Variants in ERC2 observed in about 807,000 individuals in gnomAD.
ERC2 encodes the protein ELKS/RAB6-interacting/CAST family member 2, also known as ERC protein 2.
ERC2 carries 42 observed loss-of-function variants against 114.8 expected under a neutral mutation model. That is an observed-to-expected ratio of 0.37 (90% CI 0.29 to 0.47). The LOEUF is 0.47. ERC2 is among the 20% of genes least tolerant of loss of function. The pLI, the probability that ERC2 is intolerant of heterozygous loss-of-function variation, is 0.99. For missense variants in ERC2, 939 were observed against 1,150.7 expected (o/e 0.82, Z 2.66); for synonymous variants, 454 against 425.5 (o/e 1.07, Z -0.82).
intron 3 of ERC2, among the ~76,000 whole-genome samples, chr3:56,237,891 C>CTTTTTTTT (rs3054904): frequency 7.1e-6 from 1 of 140,912 alleles, no homozygotes; most frequent in African/African-American, 2.6e-5. Context: ...CTATTTTTTC[C>CTTTTTTTT]TTTTTTTTTT....
At chr3:56,434,279 T>C (rs998483684) in intron 2 of ERC2, 72 bp downstream of exon 2, 1 of 1,431,846 alleles carries the variant, frequency 7.0e-7, no homozygotes. Context: ...CAGGTCGTGG[T>C]ACCATCTGCA....
At chr3:56,366,615 C>T (rs932883061) in intron 2 of ERC2, among the ~76,000 whole-genome samples, 3 of 152,148 alleles carry the variant, frequency 2.0e-5, no homozygotes, top group African/African-American at 7.2e-5. Flanking sequence ...TTGTTATTGG[C>T]TCCCATTTGT....
intron 17 of ERC2, among the ~76,000 whole-genome samples, chr3:55,604,336 A>G (rs1460275064): frequency 6.6e-6 from 1 of 152,166 alleles, no homozygotes; most frequent in African/African-American, 2.4e-5. Context: ...TTATGCTATT[A>G]ATATATTACA....
intron 10 of ERC2, among the ~76,000 whole-genome samples, chr3:56,004,155 T>G (rs2072288707): frequency 6.6e-6 from 1 of 152,044 alleles, no homozygotes. Context: ...TATTTTGAAT[T>G]GCCATTGCTT....
intron 15 of ERC2, among the ~76,000 whole-genome samples, chr3:55,726,410 C>T (rs1242928688): frequency 6.6e-6 from 1 of 152,228 alleles, no homozygotes; most frequent in African/African-American, 2.4e-5. Context: ...ATGGGAAGCA[C>T]AACCGTGGCT....
At chr3:55,669,506 T>C (rs2061476509) in intron 17 of ERC2, among the ~76,000 whole-genome samples, 1 of 152,212 alleles carries the variant, frequency 6.6e-6, no homozygotes, top group Non-Finnish European at 1.5e-5. Context: ...AAAGACAACT[T>C]TCACATTTTC....
At chr3:55,979,776 CAA>C (rs763879098) in intron 12 of ERC2, among the ~76,000 whole-genome samples, 21 of 123,922 alleles carry the variant, frequency 1.7e-4, no homozygotes, top group Non-Finnish European at 1.7e-4. Flanking sequence ...CCCACCTCTG[CAA>C]AAAAAAAAAA....
intron 14 of ERC2, among the ~76,000 whole-genome samples, chr3:55,866,697 T>C (rs562712844): frequency 1.3e-5 from 2 of 152,316 alleles, no homozygotes; most frequent in African/African-American, 4.8e-5. Flanking sequence ...ATCCATTAAG[T>C]TTTTTGTGTA....
rs368169315 is a variant in ERC2, at chr3:56,081,021, C to T, written c.1474-37G>A. The T allele has an allele frequency of 2.7e-4, 429 of 1,602,658 alleles. 3 individuals are homozygous for T. The highest frequency in any genetic ancestry group is 4.0e-5 in the Non-Finnish European group (47 of 1,174,262). On this transcript the variant is annotated intron_variant, in intron 6 of 17. Transcript: ENST00000288221. ...AAAAAGACAGAAGGTTGTGGTTTTA[C>T]AGAAAGGTCATCAATAACCATCAAT...
At chr3:56,221,714 C>T (rs1398289546) in intron 3 of ERC2, among the ~76,000 whole-genome samples, 1 of 152,108 alleles carries the variant, frequency 6.6e-6, no homozygotes, top group Admixed American at 6.6e-5. Flanking sequence ...ACCATCCTGG[C>T]TAACTCAGTG....
chr3:55,679,827 C>G (rs1576099373), intron 17 of ERC2, among the ~76,000 whole-genome samples: 1 of 144,578 alleles, frequency 6.9e-6, no homozygotes, highest in African/African-American at 2.6e-5. Context: ...AGAGCTCTTT[C>G]CTTGATTTTC....
chr3:55,975,417 G>T (rs1011227630), intron 12 of ERC2, among the ~76,000 whole-genome samples: 4 of 151,890 alleles, frequency 2.6e-5, no homozygotes, highest in Admixed American at 2.0e-4. Flanking sequence ...TAGTAGCTAG[G>T]TTTTTTTGTC....
At chr3:55,592,661 T>A (rs575962431) in intron 17 of ERC2, among the ~76,000 whole-genome samples, 2 of 152,172 alleles carry the variant, frequency 1.3e-5, no homozygotes, top group Non-Finnish European at 2.9e-5. Flanking sequence ...GAATGAGAAA[T>A]GACTAAATCA....
At chr3:56,111,003 G>T (rs2078928766) in intron 6 of ERC2, among the ~76,000 whole-genome samples, 1 of 151,974 alleles carries the variant, frequency 6.6e-6, no homozygotes, top group African/African-American at 2.4e-5. Context: ...GTTTTCAAGG[G>T]GGTGGGGGTA....
At chr3:55,565,190 T>C (rs1056011192) in intron 17 of ERC2, among the ~76,000 whole-genome samples, 5 of 152,244 alleles carry the variant, frequency 3.3e-5, no homozygotes, top group Admixed American at 2.0e-4. Flanking sequence ...ACAATTATTT[T>C]AGCATTTTCT....
At chr3:55,993,658 T>A (rs1205335939) in intron 10 of ERC2, among the ~76,000 whole-genome samples, 1 of 151,116 alleles carries the variant, frequency 6.6e-6, no homozygotes, top group Non-Finnish European at 1.5e-5. Flanking sequence ...ATTTCCTTAT[T>A]TAAGAAATAA....
At chr3:55,649,737 C>G (rs1313960276) in intron 17 of ERC2, among the ~76,000 whole-genome samples, 1 of 152,120 alleles carries the variant, frequency 6.6e-6, no homozygotes, top group African/African-American at 2.4e-5. Context: ...TCCTCATTTC[C>G]CCATGGAGCC....
intron 7 of ERC2, among the ~76,000 whole-genome samples, chr3:56,054,509 G>A (rs936645453): frequency 5.9e-5 from 9 of 152,110 alleles, no homozygotes; most frequent in African/African-American, 1.2e-4. Flanking sequence ...GCTATATAAC[G>A]TATCAAATGT....
At chr3:55,917,432 C>T (rs2065161975) in intron 13 of ERC2, among the ~76,000 whole-genome samples, 1 of 152,106 alleles carries the variant, frequency 6.6e-6, no homozygotes, top group South Asian at 2.1e-4. Context: ...AATACTAATA[C>T]ATGCTGCCAC....
Sources: allele counts gnomAD v4.1 joint callset (sites outside exome capture counted in the v4.1 genomes callset), GRCh38; gene constraint gnomAD v4.1.1; transcripts MANE v1.5; gene names NCBI Gene and HGNC (gene_info 2026-07-23, HGNC 2026-07-21).